TMUB1: variants seen among roughly 807,000 people sequenced by gnomAD.
TMUB1 encodes the protein transmembrane and ubiquitin like domain containing 1.
TMUB1 carries 9 observed loss-of-function variants against 16.2 expected under a neutral mutation model. That is an observed-to-expected ratio of 0.55 (90% confidence interval 0.33 to 0.97). The LOEUF (loss-of-function observed/expected upper bound fraction) is 0.97, where lower values mean the gene tolerates loss of function less well. Among genes scored for constraint, TMUB1 ranks in the 50% least tolerant of loss-of-function variants. TMUB1 has a pLI of 0.03. For missense variants in TMUB1, 309 were observed against 313.5 expected (o/e 0.99, Z 0.11); for synonymous variants, 155 against 152.2 (o/e 1.02, Z -0.13).
chr7:151,081,976 C>T lies in TMUB1; in HGVS notation c.390-76G>A. On this transcript the variant is annotated intron_variant, in intron 2 of 2. Coordinates refer to ENST00000297533, the MANE Select transcript of TMUB1 (RefSeq NM_001136044.2). This position sits in a 1 kb window ranked among gnomAD's most constrained non-coding sequence, Gnocchi z 7.6. ...CCCTGGCCCCGGAACAGCACTCCCACCCTCCCCCTGCCCTCCACAACACAC... is the reference window on the plus strand; with the variant it reads ...CCCTGGCCCCGGAACAGCACTCCCATCCTCCCCCTGCCCTCCACAACACAC... 2 of 1,423,936 alleles carry T rather than the reference C, an allele frequency of 1.4e-6. No individual in the cohort carries two copies. The highest frequency in any genetic ancestry group is 2.0e-4 in the Middle Eastern group (1 of 4,966). The allele number at this position is 1,423,936 out of a possible 1,614,324, so 88.2% of individuals were successfully genotyped here.
At position 151,082,912 on chromosome 7, in the gene TMUB1, C is replaced by T; in HGVS notation, c.-30-319G>A. 1 of 247,764 alleles carries T rather than the reference C, an allele frequency of 4.0e-6. No homozygotes were observed. Among genetic ancestry groups the T allele is most frequent in the Non-Finnish European group, 7.7e-6 (1 of 129,856 alleles). The allele number at this position is 247,764 out of a possible 1,614,324, so 15.3% of individuals were successfully genotyped here. On this transcript the variant is annotated intron_variant, in intron 1 of 2. Coordinates refer to ENST00000297533, the MANE Select transcript of TMUB1 (RefSeq NM_001136044.2). The surrounding 1 kb of genome is among the most constrained non-coding windows in gnomAD (Gnocchi z 7.0). ...TCTCCTAAACTTCACCCCAACCAAA[C>T]TTCACCCCCAAGCGTATCTATTCTC...
At position 151,082,579 on chromosome 7, in the gene TMUB1, C is replaced by T. The variant is rs763693745; in HGVS notation, c.-16G>A. 30 of 1,483,552 alleles carry T rather than the reference C, an allele frequency of 2.0e-5. No homozygotes were observed. In the East Asian group the frequency reaches 6.7e-4, roughly 33 times the overall value. The allele number at this position is 1,483,552 out of a possible 1,614,324, so 91.9% of individuals were successfully genotyped here. Reference sequence around the variant, plus strand: ...TCAGGGTCATGGCGCCTGCCTTGCCCGCCGCGCTACCGAGCTGGAGAGGCA... The same window carrying T: ...TCAGGGTCATGGCGCCTGCCTTGCCTGCCGCGCTACCGAGCTGGAGAGGCA... On this transcript the variant is annotated 5_prime_UTR_variant, in exon 2 of 3. Coordinates refer to ENST00000297533, the MANE Select transcript of TMUB1 (RefSeq NM_001136044.2). The surrounding 1 kb of genome is among the most constrained non-coding windows in gnomAD (Gnocchi z 7.0).
Position 151,081,637 on chromosome 7 carries a change from C to G in TMUB1, c.653G>C (p.Arg218Pro). ...LLLWYCQIQY[R>P]PFFPLTATLG... ...AGTGGCGGTCAGGGGAAAGAAGGGC[C>G]GGTACTGGATCTGGCAGTACCAGAG... is the stretch of plus-strand genomic sequence containing the variant. Residue 218 changes from arginine to proline, a missense_variant, in exon 3 of 3, where the codon CGG (arginine) becomes CCG (proline). Coordinates refer to ENST00000297533, the MANE Select transcript of TMUB1 (RefSeq NM_001136044.2). This position sits in a 1 kb window ranked among gnomAD's most constrained non-coding sequence, Gnocchi z 7.6. 1 of 1,601,090 alleles carries G rather than the reference C, an allele frequency of 6.2e-7. No homozygotes were observed. The highest frequency in any genetic ancestry group is 1.7e-4 in the Middle Eastern group (1 of 5,788).
At position 151,082,273 on chromosome 7, in the gene TMUB1, G is replaced by A; in HGVS notation, c.291C>T (p.Asp97=). The A allele has an allele frequency of 6.3e-7, 1 of 1,589,944 alleles. No homozygotes were observed. Among genetic ancestry groups the A allele is most frequent in the South Asian group, 1.1e-5 (1 of 88,400 alleles). ...TGFTATPPAP[D]SPQEPLVLRL... ...GTAGCACGAGGGGCTCCTGCGGGGA[G>A]TCCGGGGCTGGCGGTGTTGCTGTGA... Residue 97 remains aspartate, a synonymous_variant, in exon 2 of 3, where the codon GAC becomes GAT. Coordinates refer to ENST00000297533, the MANE Select transcript of TMUB1 (RefSeq NM_001136044.2). The surrounding 1 kb of genome is among the most constrained non-coding windows in gnomAD (Gnocchi z 7.0).
chr7:151,081,348 CG>C lies in TMUB1; in HGVS notation c.*200del. On this transcript the variant is annotated 3_prime_UTR_variant, in exon 3 of 3. Transcript: ENST00000297533. This position sits in a 1 kb window ranked among gnomAD's most constrained non-coding sequence, Gnocchi z 7.6. ...AGTGCGGGCTGAGGGTCAGCAGCCC[CG>C]GGAGGTGGCCCCGAGCCCCGGCGGT... is the stretch of plus-strand genomic sequence containing the variant. The C allele has an allele frequency of 1.0e-6, 1 of 978,748 alleles. No homozygotes were observed. Among genetic ancestry groups the C allele is most frequent in the Non-Finnish European group, 1.3e-6 (1 of 769,106 alleles). The allele number at this position is 978,748 out of a possible 1,614,324, so 60.6% of individuals were successfully genotyped here. A position where few individuals can be genotyped will look rare whatever the true frequency, so the allele number is the denominator to read the frequency against.
rs1244632388 is a variant in TMUB1 at position 151,081,645 on chromosome 7, G to T, written c.645C>A (p.Ile215=). Residue 215 remains isoleucine (I), a synonymous_variant, in exon 3 of 3, where the codon ATC becomes ATA. Coordinates refer to ENST00000297533, the MANE Select transcript of TMUB1 (RefSeq NM_001136044.2). The surrounding 1 kb of genome is among the most constrained non-coding windows in gnomAD (Gnocchi z 7.6). ...LLLLLLWYCQ[I]QYRPFFPLTA... is the part of the protein sequence containing the mutation. ...TCAGGGGAAAGAAGGGCCGGTACTG[G>T]ATCTGGCAGTACCAGAGCAGCAGCA... The T allele has an allele frequency of 6.3e-7, 1 of 1,599,598 alleles. No homozygotes were observed. Among genetic ancestry groups the T allele is most frequent in the Non-Finnish European group, 8.5e-7 (1 of 1,173,438 alleles).
chr7:151,081,503 C>G lies in TMUB1; in HGVS notation c.*46G>C, dbSNP rs1382796400. 10 of 1,461,778 alleles carry G rather than the reference C, an allele frequency of 6.8e-6. No individual in the cohort carries two copies. The East Asian group carries it at 2.3e-4, about 34-fold the overall frequency. The allele number at this position is 1,461,778 out of a possible 1,614,324, so 90.6% of individuals were successfully genotyped here. Reference sequence around the variant, plus strand: ...GCAGCTCCCGCCGCGGCGCGGGGAGCAAGGTCCGGAGGGGCCGGCGACGCT... The same window carrying G: ...GCAGCTCCCGCCGCGGCGCGGGGAGGAAGGTCCGGAGGGGCCGGCGACGCT... On this transcript the variant is annotated 3_prime_UTR_variant, in exon 3 of 3. Coordinates refer to ENST00000297533, the MANE Select transcript of TMUB1 (RefSeq NM_001136044.2). This position sits in a 1 kb window ranked among gnomAD's most constrained non-coding sequence, Gnocchi z 7.6.
Position 151,081,580 on chromosome 7 carries a change from C to T in TMUB1, c.710G>A (p.Ser237Asn). The change falls in exon 3 of 3, where the codon AGT becomes AAT. Residue 237 changes from serine to asparagine, a missense_variant. By Grantham distance (46) the Ser-to-Asn change is conservative (BLOSUM62 1). Coordinates refer to ENST00000297533, the MANE Select transcript of TMUB1 (RefSeq NM_001136044.2). The surrounding 1 kb of genome is among the most constrained non-coding windows in gnomAD (Gnocchi z 7.6). ...LGLAGFTLLLSLLAFAMYRP is the reference protein window; with the variant it reads ...LGLAGFTLLLNLLAFAMYRP ...GCGGTACATGGCAAAGGCCAGGAGA[C>T]TGAGGAGCAGGGTGAAGCCGGCCAG... 6.2e-7 allele frequency: 1 copy of T among 1,607,758 alleles called. No homozygotes were observed. Among genetic ancestry groups the T allele is most frequent in the Non-Finnish European group, 8.5e-7 (1 of 1,177,960 alleles).
Position 151,082,169 on chromosome 7 carries a change from A to C in TMUB1, c.389+6T>G. The C allele has an allele frequency of 6.6e-7, 1 of 1,504,352 alleles. No individual in the cohort carries two copies. Among genetic ancestry groups the C allele is most frequent in the Non-Finnish European group, 8.9e-7 (1 of 1,125,730 alleles). 93.2% of individuals were successfully genotyped at this position (1,504,352 alleles called of 1,614,324 possible). ...TAGCATTGCTCCTGCCTCTTGACCTACTTACCTTTTCAAGGAGCCAATGGT... is the reference window on the plus strand; with the variant it reads ...TAGCATTGCTCCTGCCTCTTGACCTCCTTACCTTTTCAAGGAGCCAATGGT... On this transcript the variant is annotated splice_donor_region_variant and intron_variant, in intron 2 of 2. Transcript: ENST00000297533. The surrounding 1 kb of genome is among the most constrained non-coding windows in gnomAD (Gnocchi z 7.0).
At position 151,082,700 on chromosome 7, in the gene TMUB1, G is replaced by T; in HGVS notation, c.-30-107C>A. The T allele has an allele frequency of 1.1e-6, 1 of 942,684 alleles. No individual in the cohort carries two copies. Among genetic ancestry groups the T allele is most frequent in the Non-Finnish European group, 1.4e-6 (1 of 707,486 alleles). The allele number at this position is 942,684 out of a possible 1,614,324, so 58.4% of individuals were successfully genotyped here. A position where few individuals can be genotyped will look rare whatever the true frequency, so the allele number is the denominator to read the frequency against. On this transcript the variant is annotated intron_variant, in intron 1 of 2. Coordinates refer to ENST00000297533, the MANE Select transcript of TMUB1 (RefSeq NM_001136044.2). The surrounding 1 kb of genome is among the most constrained non-coding windows in gnomAD (Gnocchi z 7.0). ...CACCGCGACGCTCCCACCGTCCTCA[G>T]CCTCCGTCCCCTCACCCACCCCAGG...
At position 151,082,193 on chromosome 7, in the gene TMUB1, G is replaced by A. The variant is rs1585018445; in HGVS notation, c.371C>T (p.Thr124Ile). The A allele has an allele frequency of 6.6e-7, 1 of 1,511,874 alleles. No homozygotes were observed. The highest frequency in any genetic ancestry group is 8.9e-7 in the Non-Finnish European group (1 of 1,128,854). 93.7% of individuals were successfully genotyped at this position (1,511,874 alleles called of 1,614,324 possible). Residue 124 changes from threonine (T) to isoleucine (I), a missense_variant, in exon 2 of 3, where the codon ACC becomes ATC. Coordinates refer to ENST00000297533, the MANE Select transcript of TMUB1 (RefSeq NM_001136044.2). This position sits in a 1 kb window ranked among gnomAD's most constrained non-coding sequence, Gnocchi z 7.0. ...EQVARAWPHDTIGSLKRTQFP... is the reference protein window; with the variant it reads ...EQVARAWPHDIIGSLKRTQFP... ...TACTTACCTTTTCAAGGAGCCAATG[G>A]TGTCGTGGGGCCAGGCCCTGGCCAC...
rs1389340785 is a variant in TMUB1, at chr7:151,083,242, A to G, written c.-31+192T>C. 1.3e-5 allele frequency: 2 copies of G among 151,690 alleles called. No homozygotes were observed. The highest frequency in any genetic ancestry group is 1.3e-4 in the Admixed American group (2 of 15,258). The allele number at this position is 151,690 out of a possible 1,614,324, so 9.4% of individuals were successfully genotyped here. A position where few individuals can be genotyped will look rare whatever the true frequency, so the allele number is the denominator to read the frequency against. On this transcript the variant is annotated intron_variant, in intron 1 of 2. Transcript: ENST00000297533. The surrounding 1 kb of genome is among the most constrained non-coding windows in gnomAD (Gnocchi z 5.9). ...AGGACTAACTCCGCGCCTCCTCTGGAAGTCTCTCCAAGCCCCCCGGGCTGC... is the reference window on the plus strand; with the variant it reads ...AGGACTAACTCCGCGCCTCCTCTGGGAGTCTCTCCAAGCCCCCCGGGCTGC...
rs781590186 is a variant in TMUB1 at position 151,082,190 on chromosome 7, A to G, written c.374T>C (p.Ile125Thr). ...QVARAWPHDT[I>T]GSLKRTQFPG... ...ACCTACTTACCTTTTCAAGGAGCCA[A>G]TGGTGTCGTGGGGCCAGGCCCTGGC... The change falls in exon 2 of 3, where the codon ATT becomes ACT. Residue 125 changes from isoleucine (I) to threonine (T), a missense_variant. Coordinates refer to ENST00000297533, the MANE Select transcript of TMUB1 (RefSeq NM_001136044.2). This position sits in a 1 kb window ranked among gnomAD's most constrained non-coding sequence, Gnocchi z 7.0. The G allele has an allele frequency of 1.3e-5, 20 of 1,510,634 alleles. No homozygotes were observed. Among genetic ancestry groups the G allele is most frequent in the Non-Finnish European group, 1.7e-5 (19 of 1,128,372 alleles). 93.6% of individuals were successfully genotyped at this position (1,510,634 alleles called of 1,614,324 possible).
chr7:151,081,547 C>T lies in TMUB1; in HGVS notation c.*2G>A. On this transcript the variant is annotated 3_prime_UTR_variant, in exon 3 of 3. Coordinates refer to ENST00000297533, the MANE Select transcript of TMUB1 (RefSeq NM_001136044.2). This position sits in a 1 kb window ranked among gnomAD's most constrained non-coding sequence, Gnocchi z 7.6. ...CGACGCTGCCAAGCGCCCGCGGAGG[C>T]ACTACGGGCGGTACATGGCAAAGGC... The T allele has an allele frequency of 6.3e-7, 1 of 1,580,426 alleles. No homozygotes were observed.
At position 151,082,466 on chromosome 7, in the gene TMUB1, G is replaced by A. The variant is rs759095248; in HGVS notation, c.98C>T (p.Thr33Ile). The A allele has an allele frequency of 5.0e-6, 8 of 1,602,880 alleles. No individual in the cohort carries two copies. The highest frequency in any genetic ancestry group is 6.8e-6 in the Non-Finnish European group (8 of 1,174,156). The change falls in exon 2 of 3, where the codon ACC (threonine) becomes ATC (isoleucine). Residue 33 changes from threonine to isoleucine, a missense_variant. Thr to Ile is a moderately conservative substitution (Grantham distance 89, BLOSUM62 -1). Coordinates refer to ENST00000297533, the MANE Select transcript of TMUB1 (RefSeq NM_001136044.2). The surrounding 1 kb of genome is among the most constrained non-coding windows in gnomAD (Gnocchi z 7.0). ...GGGCAGTGGGTCCCCGCCCTCAGCG[G>A]TGTGCGTTGAGACCCAGGCAAGGGC... ...VLALAWVSTH[T>I]AEGGDPLPQP... is the part of the protein sequence containing the mutation.
rs1032357779 is a variant in TMUB1 at position 151,083,147 on chromosome 7, T to A, written c.-31+287A>T. ...AACGTCAAACTCCGCCCCTGGGCAA[T>A]CTGGAGCCACCGAGCGTCACCACCC... On this transcript the variant is annotated intron_variant, in intron 1 of 2. Coordinates refer to ENST00000297533, the MANE Select transcript of TMUB1 (RefSeq NM_001136044.2). This position sits in a 1 kb window ranked among gnomAD's most constrained non-coding sequence, Gnocchi z 5.9. 3.5e-5 allele frequency: 5 copies of A among 144,064 alleles called. No homozygotes were observed. The highest frequency in any genetic ancestry group is 4.5e-5 in the Non-Finnish European group (3 of 67,102). The allele number at this position is 144,064 out of a possible 1,614,324, so 8.9% of individuals were successfully genotyped here. A position where few individuals can be genotyped will look rare whatever the true frequency, so the allele number is the denominator to read the frequency against.
At position 151,081,106 on chromosome 7, in the gene TMUB1, A is replaced by C; in HGVS notation, c.*443T>G. On this transcript the variant is annotated 3_prime_UTR_variant, in exon 3 of 3. Transcript: ENST00000297533. The surrounding 1 kb of genome is among the most constrained non-coding windows in gnomAD (Gnocchi z 7.6). ...AGAGTGAAAACTTCACAGTTACTTT[A>C]ATCTGCACGGGTTCCGGGGAACTCC... 1 of 251,314 alleles carries C rather than the reference A, an allele frequency of 4.0e-6. No homozygotes were observed. The allele number at this position is 251,314 out of a possible 1,614,324, so 15.6% of individuals were successfully genotyped here. A position where few individuals can be genotyped will look rare whatever the true frequency, so the allele number is the denominator to read the frequency against.
rs1798028409 is a variant in TMUB1 at position 151,082,619 on chromosome 7, G to C, written c.-30-26C>G. The C allele has an allele frequency of 6.9e-7, 1 of 1,447,790 alleles. No homozygotes were observed. Among genetic ancestry groups the C allele is most frequent in the African/African-American group, 1.5e-5 (1 of 68,588 alleles). 89.7% of individuals were successfully genotyped at this position (1,447,790 alleles called of 1,614,324 possible). ...CTGGAGAGGCACAAAGAGCCCGTGA[G>C]GCCCGGGCCCCCTGGCCAGGAGCCC... On this transcript the variant is annotated intron_variant, in intron 1 of 2. Coordinates refer to ENST00000297533, the MANE Select transcript of TMUB1 (RefSeq NM_001136044.2). The surrounding 1 kb of genome is among the most constrained non-coding windows in gnomAD (Gnocchi z 7.0).
Position 151,081,519 on chromosome 7 carries a change from C to G in TMUB1, c.*30G>C, listed in dbSNP as rs545929018. ...CGCGGGGAGCAAGGTCCGGAGGGGC[C>G]GGCGACGCTGCCAAGCGCCCGCGGA... On this transcript the variant is annotated 3_prime_UTR_variant, in exon 3 of 3. Transcript: ENST00000297533. This position sits in a 1 kb window ranked among gnomAD's most constrained non-coding sequence, Gnocchi z 7.6. 1.1e-5 allele frequency: 17 copies of G among 1,520,898 alleles called. No individual in the cohort carries two copies. In the South Asian group the frequency reaches 1.9e-4, roughly 17 times the overall value. The allele number at this position is 1,520,898 out of a possible 1,614,324, so 94.2% of individuals were successfully genotyped here. A position where few individuals can be genotyped will look rare whatever the true frequency, so the allele number is the denominator to read the frequency against.
Sources: gnomAD v4.1 joint callset for allele counts on GRCh38, gnomAD v4.1.1 for gene constraint, Gnocchi (gnomAD v3.1) non-coding constraint, MANE v1.5 for transcripts, NCBI Gene and HGNC (gene_info 2026-07-23, HGNC 2026-07-21) for gene names.